SORCS2: variants seen among roughly 807,000 people sequenced by gnomAD.
SORCS2 encodes the protein sortilin related VPS10 domain containing receptor 2.
In SORCS2, 100 loss-of-function variants were observed where a neutral mutation model predicts 141.6. The observed-to-expected ratio is 0.71, with a 90% CI of 0.60 to 0.83. SORCS2 has a LOEUF of 0.83. SORCS2 is among the 40% of genes least tolerant of loss of function. The pLI, the probability that SORCS2 is intolerant of heterozygous loss-of-function variation, is 0.00. For synonymous variants in SORCS2, 789 were observed against 676.9 expected, an observed-to-expected ratio of 1.17 and a Z score of -2.57; for missense variants, 1,646 against 1,560.2, an observed-to-expected ratio of 1.05 and a Z score of -0.93.
At chr4:7,234,211 C>T (rs1018242428) in intron 1 of SORCS2, among the ~76,000 whole-genome samples, 12 of 152,170 alleles carry the variant, frequency 7.9e-5, no homozygotes, top group Non-Finnish European at 1.8e-4. Flanking sequence ...ACCTTGATTT[C>T]GAGATGTGCT....
Position 7,682,781 on chromosome 4 carries a change from A to T in SORCS2, c.1380A>T (p.Lys460Asn). The change falls in exon 10 of 27, where the codon AAA (lysine) becomes AAT (asparagine). Residue 460 changes from lysine (K) to asparagine (N), a missense_variant. Transcript: ENST00000507866. ...AAGGAGTCTTCCTGGCAAACCAAAA[A>T]ATTGATGGGAAAGTGATGACGCTTA... The part of the protein sequence containing the change: ...GVKGVFLANQ[K>N]IDGKVMTLIT... 1 of 1,612,466 alleles carries T rather than the reference A, an allele frequency of 6.2e-7. No homozygotes were observed.
intron 3 of SORCS2, among the ~76,000 whole-genome samples, chr4:7,594,542 ACC>A (rs753769431): frequency 2.4e-4 from 37 of 152,192 alleles, no homozygotes; most frequent in Admixed American, 9.2e-4. Flanking sequence ...ATAGGATGGG[ACC>A]CACAGCAAAC....
intron 26 of SORCS2, among the ~76,000 whole-genome samples, chr4:7,737,690 A>T (rs1712304432): frequency 6.6e-6 from 1 of 152,160 alleles, no homozygotes; most frequent in Non-Finnish European, 1.5e-5. Flanking sequence ...CAGCAAGGAG[A>T]AGATCAGTCA....
chr4:7,704,243 C>G lies in SORCS2; in HGVS notation c.1827C>G (p.Asp609Glu). Residue 609 changes from aspartate to glutamate, a missense_variant, in exon 14 of 27, where the codon GAC (aspartate) becomes GAG (glutamate). By Grantham distance (45) the Asp-to-Glu change is conservative. Transcript: ENST00000507866. ...HNFTSTSVFV[D>E]GLLSEPGDET... Reference sequence around the variant, plus strand: ...TCACCAGCACCTCGGTGTTTGTGGACGGGCTGCTGAGTGAGCCAGGGGACG... The same window carrying G: ...TCACCAGCACCTCGGTGTTTGTGGAGGGGCTGCTGAGTGAGCCAGGGGACG... 6.2e-7 allele frequency: 1 copy of G among 1,612,842 alleles called. No individual in the cohort carries two copies. Among genetic ancestry groups the G allele is most frequent in the Non-Finnish European group, 8.5e-7 (1 of 1,179,564 alleles).
intron 4 of SORCS2, among the ~76,000 whole-genome samples, chr4:7,641,826 A>G (rs147459349): frequency 3.0e-3 from 79 of 26,066 alleles, no homozygotes; most frequent in Admixed American, 4.8e-3. Context: ...GGGTGGGTGG[A>G]TGGATGGATG....
chr4:7,392,514 C>T (rs1431990250), intron 1 of SORCS2, among the ~76,000 whole-genome samples: 3 of 152,170 alleles, frequency 2.0e-5, no homozygotes, highest in Non-Finnish European at 4.4e-5. Flanking sequence ...CTGTGCTGGG[C>T]TCACGGGGGT....
chr4:7,591,767 G>A (rs902537837), intron 3 of SORCS2, among the ~76,000 whole-genome samples: 33 of 152,272 alleles, frequency 2.2e-4, no homozygotes, highest in Middle Eastern at 3.4e-3. Flanking sequence ...GATGAATCCC[G>A]GCAGAGGCCT....
chr4:7,279,924 G>A (rs1347288720), intron 1 of SORCS2, among the ~76,000 whole-genome samples: 1 of 137,702 alleles, frequency 7.3e-6, no homozygotes, highest in Non-Finnish European at 1.5e-5. Flanking sequence ...TGTCACCATC[G>A]CTAGGGAGAC....
intron 1 of SORCS2, among the ~76,000 whole-genome samples, chr4:7,354,208 G>A (rs544791032): frequency 2.6e-5 from 4 of 152,238 alleles, no homozygotes; most frequent in East Asian, 1.9e-4. Flanking sequence ...AGCATCTCTC[G>A]GGGAAAGGCC....
chr4:7,719,790 C>A (rs1354450646), intron 18 of SORCS2, among the ~76,000 whole-genome samples: 5 of 152,226 alleles, frequency 3.3e-5, no homozygotes, highest in African/African-American at 1.2e-4. Flanking sequence ...GCAGTCGCAT[C>A]TGCGGAGTGT....
At chr4:7,637,631 G>T (rs1379543481) in intron 3 of SORCS2, among the ~76,000 whole-genome samples, 3 of 152,224 alleles carry the variant, frequency 2.0e-5, no homozygotes, top group Admixed American at 6.5e-5. Flanking sequence ...AGCTGGGTTT[G>T]GGAGGAAGCT....
intron 5 of SORCS2, among the ~76,000 whole-genome samples, chr4:7,659,822 C>G (rs1364731641): frequency 6.6e-6 from 1 of 152,170 alleles, no homozygotes; most frequent in Non-Finnish European, 1.5e-5. Flanking sequence ...AGCTGTACTT[C>G]TCCCCCCCAC....
intron 3 of SORCS2, among the ~76,000 whole-genome samples, chr4:7,617,712 A>C (rs1718863275): frequency 6.6e-6 from 1 of 152,194 alleles, no homozygotes; most frequent in Non-Finnish European, 1.5e-5. Context: ...ATTCCGAGCA[A>C]CTTTTAGTTC....
Position 7,534,850 on chromosome 4 carries a change from C to T in SORCS2, c.648+3221C>T, listed in dbSNP as rs898892126. 2.0e-5 allele frequency among the ~76,000 whole-genome samples: 3 copies of T among 152,378 alleles called. No homozygotes were observed. The East Asian group carries it at 5.8e-4, about 29-fold the overall frequency. ...GAAAATGAATTTCTATTGCTTCAAG[C>T]CACGGAGTGCATGGTGATTTGTTGC... On this transcript the variant is annotated intron_variant, in intron 3 of 26. Transcript: ENST00000507866.
intron 9 of SORCS2, among the ~76,000 whole-genome samples, chr4:7,676,684 T>G (rs1021035876): frequency 2.0e-5 from 3 of 147,316 alleles, no homozygotes; most frequent in Admixed American, 6.7e-5. Flanking sequence ...CGTCTCCTCC[T>G]TCCTCTCCCT....
intron 2 of SORCS2, among the ~76,000 whole-genome samples, chr4:7,510,700 C>T (rs1351795497): frequency 6.0e-5 from 9 of 150,168 alleles, no homozygotes; most frequent in Non-Finnish European, 1.2e-4. Context: ...GTTCTGGGCG[C>T]GGCATGTCCA....
intron 1 of SORCS2, among the ~76,000 whole-genome samples, chr4:7,256,581 C>T (rs1713887958): frequency 6.6e-6 from 1 of 151,894 alleles, no homozygotes; most frequent in Admixed American, 6.6e-5. Context: ...TGGGGGATTA[C>T]AGAGCTGAAC....
At chr4:7,485,777 C>T (rs1434101848) in intron 2 of SORCS2, among the ~76,000 whole-genome samples, 2 of 152,068 alleles carry the variant, frequency 1.3e-5, no homozygotes, top group Non-Finnish European at 2.9e-5. Context: ...CCCAGGGGAG[C>T]CCGATGAGGC....
rs552495286 is a variant in SORCS2 at position 7,587,011 on chromosome 4, CAGCTAAAAATTAAGAATGACCTCTT to C, written c.649-51311_649-51287del. On this transcript the variant is annotated intron_variant, in intron 3 of 26. Transcript: ENST00000507866. ...AGGAGAGTGACAGAGAAGCAGACGT[CAGCTAAAAATTAAGAATGACCTCTT>C]AGCTACAGATGATCGGAGATGGGCG... Among the ~76,000 whole-genome samples, 1,506 of 152,034 alleles carry C rather than the reference CAGCTAAAAATTAAGAATGACCTCTT, an allele frequency of 9.9e-3. 25 individuals carry two copies. Among genetic ancestry groups the C allele is most frequent in the African/African-American group, 0.034 (1,413 of 41,444 alleles).
Sources: gnomAD v4.1 joint callset for allele counts (sites outside exome capture counted in the v4.1 genomes callset) on GRCh38, gnomAD v4.1.1 for gene constraint, MANE v1.5 for transcripts, NCBI Gene and HGNC (gene_info 2026-07-23, HGNC 2026-07-21) for gene names.